The following C2orf80 variants were observed in gnomAD, a reference collection of about 807,000 sequenced individuals.
C2orf80 encodes chromosome 2 open reading frame 80, also known as uncharacterized protein C2orf80.
C2orf80 carries 28 observed loss-of-function variants against 30.2 expected under a neutral mutation model. The ratio of observed to expected loss-of-function variants is 0.93; its 90% CI spans 0.69 to 1.27. The LOEUF (loss-of-function observed/expected upper bound fraction) is 1.27, where lower values mean the gene tolerates loss of function less well. C2orf80 is among the 50% of genes most tolerant of loss of function. C2orf80 has a pLI of 0.00. For synonymous variants in C2orf80, 80 were observed against 76.4 expected (o/e 1.05, Z -0.24); for missense variants, 220 against 231.0 (o/e 0.95, Z 0.31).
chr2:208,169,472 C>A (rs1373358287), intron 8 of C2orf80, among the ~76,000 whole-genome samples: 1 of 152,066 alleles, frequency 6.6e-6, no homozygotes. Context: ...TGGCTCACGC[C>A]TGTAATCCCA....
intron 2 of C2orf80, 72 bp from the exon 3 acceptor site, chr2:208,185,104 TTTCCCATCCCTCCC>T: frequency 6.6e-6 from 7 of 1,066,490 alleles, no homozygotes; most frequent in South Asian, 1.4e-5. Flanking sequence ...GGCTTTTTTT[TTTCCCATCCCTCCC>T]TCCCCCACCA....
intron 3 of C2orf80, among the ~76,000 whole-genome samples, chr2:208,184,302 G>T (rs2105912432): frequency 6.6e-6 from 1 of 152,288 alleles, no homozygotes; most frequent in South Asian, 2.1e-4. Context: ...TGTACACAGA[G>T]AATAAGGCTT....
At position 208,181,242 on chromosome 2, in the gene C2orf80, T is replaced by C. The variant is rs374329527; in HGVS notation, c.270A>G (p.Leu90=). 19 of 1,609,814 alleles carry C rather than the reference T, an allele frequency of 1.2e-5. No individual in the cohort carries two copies. The highest frequency in any genetic ancestry group is 1.5e-5 in the Non-Finnish European group (18 of 1,176,354). Residue 90 remains leucine (L), a synonymous_variant, in exon 5 of 9, where the codon TTA becomes TTG. Coordinates refer to ENST00000341287, the MANE Select transcript of C2orf80 (RefSeq NM_001099334.3). The stretch of plus-strand genomic sequence containing the variant: ...CCATTAAGATTCCAGCATAAGATGA[T>C]AAAATCATAGCTTCTCGTTCTCTAC... ...PNRREREAMI[L]SSYAGILMNS...
intron 6 of C2orf80, among the ~76,000 whole-genome samples, chr2:208,173,855 G>T (rs143221762): frequency 6.6e-6 from 1 of 152,066 alleles, no homozygotes; most frequent in Admixed American, 6.6e-5. Flanking sequence ...ACTTGGATTT[G>T]TTTGTTTGCT....
At position 208,182,887 on chromosome 2, in the gene C2orf80, T is replaced by C. The variant is rs1696602262; in HGVS notation, c.206+78A>G. On this transcript the variant is annotated intron_variant, in intron 4 of 8. Transcript: ENST00000341287. ...AATCAAAGTGCCTCATGATGGAAGA[T>C]GTTAGGGCTGGAACTTCCTCTATCA... The C allele has an allele frequency of 6.9e-6, 8 of 1,152,720 alleles. No homozygotes were observed. The East Asian group carries it at 1.9e-4, about 27-fold the overall frequency. 71.4% of individuals were successfully genotyped at this position (1,152,720 alleles called of 1,614,324 possible).
At chr2:208,168,281 T>C (rs962162906) in intron 8 of C2orf80, 3 of 235,522 alleles carry the variant, frequency 1.3e-5, no homozygotes, top group African/African-American at 7.1e-5. Flanking sequence ...AAGAGGGAGT[T>C]CTTTTGCTTT....
rs978966437 is a variant in C2orf80, at chr2:208,187,069, A to G, written c.-75-8T>C. 1.0e-5 allele frequency: 13 copies of G among 1,265,182 alleles called. No homozygotes were observed. The African/African-American group carries it at 1.8e-4, about 17-fold the overall frequency. The allele number at this position is 1,265,182 out of a possible 1,614,324, so 78.4% of individuals were successfully genotyped here. ...CTTCTCTGAGTCTAGAGGCTACAGC[A>G]GCAAATCAGAGAGAATATGAGTTAG... On this transcript the variant is annotated splice_region_variant and splice_polypyrimidine_tract_variant and intron_variant, in intron 1 of 8. Transcript: ENST00000341287.
At chr2:208,175,437 C>G (rs1259243861) in intron 6 of C2orf80, among the ~76,000 whole-genome samples, 6 of 152,152 alleles carry the variant, frequency 3.9e-5, no homozygotes, top group Admixed American at 6.6e-5. Context: ...AAAAGCAGTT[C>G]CCTCTCAGGA....
rs1207938085 is a variant in C2orf80 at position 208,165,771 on chromosome 2, A to C, written c.*36T>G. 6.2e-7 allele frequency: 1 copy of C among 1,612,188 alleles called. No individual in the cohort carries two copies. The highest frequency in any genetic ancestry group is 2.2e-5 in the East Asian group (1 of 44,792). Reference sequence around the variant, plus strand: ...GATGCTTCTCGTCTGCTCCCAGAGAATCTATTATGAAGTTCCATGGTACAA... The same window carrying C: ...GATGCTTCTCGTCTGCTCCCAGAGACTCTATTATGAAGTTCCATGGTACAA... On this transcript the variant is annotated 3_prime_UTR_variant, in exon 9 of 9. Coordinates refer to ENST00000341287, the MANE Select transcript of C2orf80 (RefSeq NM_001099334.3).
In C2orf80 at chr2:208,186,936, T is replaced by A; in HGVS notation, c.41+10A>T. ...TGTCATAAATGAAAGTTATTCTCAG[T>A]CATACTTACAAGAGCTTTTTCATTT... On this transcript the variant is annotated intron_variant, in intron 2 of 8. Transcript: ENST00000341287. 1 of 1,612,132 alleles carries A rather than the reference T, an allele frequency of 6.2e-7. No individual in the cohort carries two copies.
Position 208,167,414 on chromosome 2 carries a change from C to T in C2orf80, c.574-1599G>A, listed in dbSNP as rs370662491. Among the ~76,000 whole-genome samples the T allele has an allele frequency of 3.3e-4, 50 of 151,546 alleles. No individual in the cohort carries two copies. The South Asian group carries it at 9.9e-3, about 30-fold the overall frequency. On this transcript the variant is annotated intron_variant, in intron 8 of 8. Transcript: ENST00000341287. ...GTGCACACCTGTAATCCCAGCTACTCAGGAGACTGAGACAGGAGAATCGCT... is the reference window on the plus strand; with the variant it reads ...GTGCACACCTGTAATCCCAGCTACTTAGGAGACTGAGACAGGAGAATCGCT...
chr2:208,171,880 A>G (rs1696110085), intron 7 of C2orf80, 108 bp downstream of exon 7: 2 of 936,560 alleles, frequency 2.1e-6, no homozygotes, highest in South Asian at 2.6e-5. Flanking sequence ...TCAACCAGAC[A>G]TAGAAATCTA....
rs1559340209 is a variant in C2orf80 at position 208,176,915 on chromosome 2, A to AGATCTGTATACATATGTATACG, written c.366+3829_366+3830insCGTATACATATGTATACAGATC. ...TATATATATACATATCTGTGTATAC[A>AGATCTGTATACATATGTATACG]TATCTGTATACATATGTATACATAT... On this transcript the variant is annotated intron_variant, in intron 6 of 8. Coordinates refer to ENST00000341287, the MANE Select transcript of C2orf80 (RefSeq NM_001099334.3). 6.7e-4 allele frequency among the ~76,000 whole-genome samples: 93 copies of AGATCTGTATACATATGTATACG among 139,292 alleles called. 8 individuals are homozygous for AGATCTGTATACATATGTATACG. Among genetic ancestry groups the AGATCTGTATACATATGTATACG allele is most frequent in the African/African-American group, 2.4e-3 (89 of 37,124 alleles). 91.4% of individuals were successfully genotyped at this position (139,292 alleles called of 152,430 possible). A position where few individuals can be genotyped will look rare whatever the true frequency, so the allele number is the denominator to read the frequency against.
chr2:208,170,989 A>G lies in C2orf80; in HGVS notation c.529T>C (p.Trp177Arg). ...ISAKEANATEWKSSQRFSDTQ... is the reference protein window; with the variant it reads ...ISAKEANATERKSSQRFSDTQ... ...TCTGAAAACCTTTGTGATGATTTCC[A>G]TTCTGTGGCATTTGCTTCCTTTGCA... The change falls in exon 8 of 9, where the codon TGG becomes CGG. Residue 177 changes from tryptophan (W) to arginine (R), a missense_variant. Coordinates refer to ENST00000341287, the MANE Select transcript of C2orf80 (RefSeq NM_001099334.3). 6.2e-7 allele frequency: 1 copy of G among 1,614,156 alleles called. No individual in the cohort carries two copies. The highest frequency in any genetic ancestry group is 1.1e-5 in the South Asian group (1 of 91,082).
At chr2:208,170,862 G>T in intron 8 of C2orf80, 83 bp downstream of exon 8, 1 of 1,102,016 alleles carries the variant, frequency 9.1e-7, no homozygotes, top group Non-Finnish European at 1.4e-6. Context: ...GACTCCAAAG[G>T]CTAGACTTTT....
chr2:208,182,949 A>T lies in C2orf80; in HGVS notation c.206+16T>A, dbSNP rs766774250. 5.0e-6 allele frequency: 8 copies of T among 1,599,956 alleles called. No homozygotes were observed. Among genetic ancestry groups the T allele is most frequent in the Admixed American group, 3.3e-5 (2 of 59,974 alleles). On this transcript the variant is annotated intron_variant, in intron 4 of 8. Transcript: ENST00000341287. ...CACAAATTAAAGAGGAAAGCAACAA[A>T]CCTACTTCAACTTACAGTTCCTCCC...
At chr2:208,186,003 T>C (rs1374171418) in intron 2 of C2orf80, among the ~76,000 whole-genome samples, 2 of 152,206 alleles carry the variant, frequency 1.3e-5, no homozygotes, top group East Asian at 1.9e-4. Context: ...TGTCTTTCTT[T>C]ACCATATCAT....
At chr2:208,171,743 TCA>T (rs1376751336) in intron 7 of C2orf80, among the ~76,000 whole-genome samples, 1 of 85,312 alleles carries the variant, frequency 1.2e-5, no homozygotes, top group Non-Finnish European at 2.7e-5. Context: ...GCCAGCCCAC[TCA>T]CAGTTTTAGA....
At chr2:208,175,320 A>G (rs1210700754) in intron 6 of C2orf80, among the ~76,000 whole-genome samples, 1 of 151,986 alleles carries the variant, frequency 6.6e-6, no homozygotes, top group African/African-American at 2.4e-5. Context: ...AAGACATTTT[A>G]TATTTATCCG....
Sources: allele counts gnomAD v4.1 joint callset (sites outside exome capture counted in the v4.1 genomes callset), GRCh38; gene constraint gnomAD v4.1.1; transcripts MANE v1.5; gene names NCBI Gene and HGNC (gene_info 2026-07-23, HGNC 2026-07-21).